Variants in HECW1 observed in about 807,000 individuals in gnomAD.
HECW1 encodes the protein HECT, C2 and WW domain containing E3 ubiquitin protein ligase 1.
HECW1 carries 61 observed loss-of-function variants against 182.3 expected under a neutral mutation model. The ratio of observed to expected loss-of-function variants is 0.33; its 90% CI spans 0.27 to 0.41. The LOEUF is 0.41. Among genes scored for constraint, HECW1 ranks in the 10% least tolerant of loss-of-function variants. HECW1 has a pLI of 1.00. For missense variants in HECW1, 1,739 were observed against 2,108.9 expected (o/e 0.82, Z 3.44); for synonymous variants, 859 against 832.6 (o/e 1.03, Z -0.55).
intron 16 of HECW1, among the ~76,000 whole-genome samples, chr7:43,470,808 C>G (rs1420017597): frequency 5.9e-5 from 9 of 152,194 alleles, no homozygotes; most frequent in Non-Finnish European, 7.3e-5. Flanking sequence ...TACACACACT[C>G]ATAGTTACAG....
intron 6 of HECW1, among the ~76,000 whole-genome samples, chr7:43,388,777 C>T (rs2074902464): frequency 6.6e-6 from 1 of 152,190 alleles, no homozygotes. Flanking sequence ...TGTGTGCCAC[C>T]ATGCCCAGCT....
At chr7:43,180,802 T>C (rs1215691684) in intron 2 of HECW1, among the ~76,000 whole-genome samples, 1 of 152,252 alleles carries the variant, frequency 6.6e-6, no homozygotes, top group East Asian at 1.9e-4. Context: ...TCAGGGTAAT[T>C]AGCAAATCCA....
intron 16 of HECW1, among the ~76,000 whole-genome samples, chr7:43,473,678 A>G (rs1373881868): frequency 6.6e-6 from 1 of 152,136 alleles, no homozygotes; most frequent in Non-Finnish European, 1.5e-5. Context: ...GGGGAAGGAA[A>G]GTTATGCTAG....
chr7:43,161,550 A>G (rs139224459), intron 2 of HECW1: 6 of 152,298 alleles, frequency 3.9e-5, no homozygotes, highest in African/African-American at 1.4e-4. Flanking sequence ...AGTGCATGGT[A>G]CAGTGAGACA....
intron 3 of HECW1, among the ~76,000 whole-genome samples, chr7:43,310,659 T>C (rs1225269767): frequency 6.6e-6 from 1 of 152,192 alleles, no homozygotes; most frequent in Non-Finnish European, 1.5e-5. Context: ...AGTGCAGGCC[T>C]AAATTACTGC....
chr7:43,132,341 T>C (rs1787037485), intron 2 of HECW1, among the ~76,000 whole-genome samples: 1 of 152,192 alleles, frequency 6.6e-6, no homozygotes, highest in Non-Finnish European at 1.5e-5. Context: ...AAAAGTACAA[T>C]TTGTCTTCAC....
At chr7:43,392,611 A>G (rs2075080537) in intron 6 of HECW1, among the ~76,000 whole-genome samples, 1 of 152,184 alleles carries the variant, frequency 6.6e-6, no homozygotes, top group African/African-American at 2.4e-5. Context: ...ACCTCTGGGA[A>G]CAGAAGGGGC....
At chr7:43,360,831 G>A (rs1815782815) in intron 5 of HECW1, 55 bp from the exon 6 acceptor site, 3 of 1,319,548 alleles carry the variant, frequency 2.3e-6, no homozygotes, top group Non-Finnish European at 2.2e-6. Context: ...GGCCATAGCT[G>A]TCTCTCCCTG....
At chr7:43,384,427 G>A (rs953142659) in intron 6 of HECW1, among the ~76,000 whole-genome samples, 20 of 152,196 alleles carry the variant, frequency 1.3e-4, no homozygotes, top group Admixed American at 9.2e-4. Context: ...CCAAGATGGC[G>A]GTGTGCCTGG....
Position 43,230,951 on chromosome 7 carries a change from C to T in HECW1, c.-31-12924C>T, listed in dbSNP as rs534508806. Among the ~76,000 whole-genome samples the T allele has an allele frequency of 3.0e-4, 45 of 152,328 alleles. 1 individual carries two copies. The highest frequency in any genetic ancestry group is 1.0e-3 in the African/African-American group (42 of 41,592). The stretch of plus-strand genomic sequence containing the variant: ...GCTCTTCCAAGCATTAGCACATCAT[C>T]AGGGCCCTCCAGCTCCTGAGTTTGA... On this transcript the variant is annotated intron_variant, in intron 2 of 29. Transcript: ENST00000395891.
chr7:43,528,310 C>G (rs1248537881), intron 24 of HECW1, among the ~76,000 whole-genome samples: 1 of 152,160 alleles, frequency 6.6e-6, no homozygotes, highest in Non-Finnish European at 1.5e-5. Context: ...CTGGACACAT[C>G]TAGATACGGG....
At chr7:43,441,641 A>G (rs934852812) in intron 9 of HECW1, among the ~76,000 whole-genome samples, 14 of 152,230 alleles carry the variant, frequency 9.2e-5, no homozygotes, top group Admixed American at 9.2e-4. Flanking sequence ...CAAGGCCCAC[A>G]GTCCCTGTCT....
intron 27 of HECW1, among the ~76,000 whole-genome samples, chr7:43,551,909 G>A (rs2081843498): frequency 6.6e-6 from 1 of 152,102 alleles, no homozygotes; most frequent in African/African-American, 2.4e-5. Context: ...TCATGTGGAG[G>A]AAGGGACACG....
intron 3 of HECW1, among the ~76,000 whole-genome samples, chr7:43,281,739 T>G (rs1189578244): frequency 8.0e-6 from 1 of 125,098 alleles, no homozygotes; most frequent in South Asian, 2.6e-4. Flanking sequence ...TTTTTTTTTT[T>G]AGAGAGACAA....
chr7:43,120,685 C>A (rs1785507998), intron 2 of HECW1, among the ~76,000 whole-genome samples: 1 of 151,966 alleles, frequency 6.6e-6, no homozygotes, highest in Non-Finnish European at 1.5e-5. Flanking sequence ...ACTCTGTAAC[C>A]GAGGCTTGAG....
At chr7:43,312,849 A>T (rs529434755) in intron 4 of HECW1, among the ~76,000 whole-genome samples, 2 of 152,384 alleles carry the variant, frequency 1.3e-5, no homozygotes, top group South Asian at 4.1e-4. Flanking sequence ...GCTGTCATGG[A>T]AATTGATGTG....
At chr7:43,495,586 T>G (rs1444441509) in intron 19 of HECW1, among the ~76,000 whole-genome samples, 15 of 152,204 alleles carry the variant, frequency 9.9e-5, no homozygotes, top group Admixed American at 9.8e-4. Flanking sequence ...GGTCCTCTAC[T>G]TTGAAAATAG....
chr7:43,150,895 C>G (rs573960890), intron 2 of HECW1: 1 of 154,978 alleles, frequency 6.5e-6, no homozygotes, highest in African/African-American at 2.4e-5. Context: ...AGCGCCCCCC[C>G]ACACAGACGG....
intron 2 of HECW1, among the ~76,000 whole-genome samples, chr7:43,141,903 C>T (rs1354828483): frequency 1.3e-5 from 2 of 152,170 alleles, no homozygotes; most frequent in Admixed American, 6.5e-5. Flanking sequence ...GTCTATGAGC[C>T]GGACACCTCA....
Sources: gnomAD v4.1 joint callset for allele counts (sites outside exome capture counted in the v4.1 genomes callset) on GRCh38, gnomAD v4.1.1 for gene constraint, MANE v1.5 for transcripts, NCBI Gene and HGNC (gene_info 2026-07-23, HGNC 2026-07-21) for gene names.